MAP3K7: variants seen among roughly 807,000 people sequenced by gnomAD.
The protein encoded by MAP3K7 is TGF-beta activated kinase 1.
MAP3K7 carries 21 observed loss-of-function variants against 84.8 expected under a neutral mutation model. The observed-to-expected ratio is 0.25, with a 90% CI of 0.18 to 0.36. The LOEUF is 0.36. MAP3K7 is among the 10% of genes least tolerant of loss of function. The pLI is 1.00. For missense variants in MAP3K7, 503 were observed against 747.7 expected, an observed-to-expected ratio of 0.67 and a Z score of 3.82; for synonymous variants, 241 against 247.7, an observed-to-expected ratio of 0.97 and a Z score of 0.25.
intron 1 of MAP3K7, among the ~76,000 whole-genome samples, chr6:90,572,960 T>C (rs1776955342): frequency 6.6e-6 from 1 of 152,178 alleles, no homozygotes; most frequent in Admixed American, 6.5e-5. Context: ...CTAAGCACTT[T>C]GTATCAAGGC....
In MAP3K7 at chr6:90,543,788, A is replaced by G. The variant is rs1052870248; in HGVS notation, c.1291+764T>C. Reference sequence around the variant, plus strand: ...AAATAAATGATAATTTTGATAATACATTAATCAATACTGAAGGTCAATATG... The same window carrying G: ...AAATAAATGATAATTTTGATAATACGTTAATCAATACTGAAGGTCAATATG... On this transcript the variant is annotated intron_variant, in intron 12 of 16. Coordinates refer to ENST00000369329, the MANE Select transcript of MAP3K7 (RefSeq NM_145331.3). 4.6e-5 allele frequency among the ~76,000 whole-genome samples: 7 copies of G among 152,124 alleles called. No homozygotes were observed. In the East Asian group the frequency reaches 1.4e-3, roughly 29 times the overall value.
intron 3 of MAP3K7, 127 bp from the exon 4 acceptor site, chr6:90,561,794 TG>T: frequency 8.4e-6 from 6 of 710,766 alleles, no homozygotes; most frequent in Non-Finnish European, 1.5e-5. Context: ...GCCCCTACTA[TG>T]TGAATAGTAC....
intron 6 of MAP3K7, among the ~76,000 whole-genome samples, chr6:90,555,067 A>G (rs1776292897): frequency 6.6e-6 from 1 of 152,194 alleles, no homozygotes. Flanking sequence ...CTAACATACA[A>G]ATCACATACC....
chr6:90,571,659 G>A (rs201082210), intron 2 of MAP3K7, 38 bp downstream of exon 2: 6 of 1,253,172 alleles, frequency 4.8e-6, no homozygotes, highest in East Asian at 2.5e-5. Context: ...AGTATCTTAA[G>A]TGCAGAACTA....
chr6:90,549,491 T>C (rs1390314757), intron 9 of MAP3K7, among the ~76,000 whole-genome samples: 1 of 152,158 alleles, frequency 6.6e-6, no homozygotes, highest in East Asian at 1.9e-4. Flanking sequence ...ATTAGGCTTG[T>C]GGTTTAGCCA....
chr6:90,576,905 G>A (rs1177444969), intron 1 of MAP3K7, among the ~76,000 whole-genome samples: 2 of 152,142 alleles, frequency 1.3e-5, no homozygotes, highest in African/African-American at 4.8e-5. Context: ...GATCCTGAAC[G>A]GCTCTACCTA....
At chr6:90,570,267 G>T (rs1449118726) in intron 2 of MAP3K7, among the ~76,000 whole-genome samples, 1 of 152,140 alleles carries the variant, frequency 6.6e-6, no homozygotes, top group Non-Finnish European at 1.5e-5. Flanking sequence ...ATAACTGATA[G>T]AGCAGACCTA....
chr6:90,544,495 C>G, intron 12 of MAP3K7, 57 bp downstream of exon 12: 1 of 1,460,678 alleles, frequency 6.8e-7, no homozygotes, highest in South Asian at 1.1e-5. Flanking sequence ...TTACAAGTAC[C>G]AGGGATCATT....
chr6:90,580,073 C>T (rs1372468742), intron 1 of MAP3K7, among the ~76,000 whole-genome samples: 2 of 152,096 alleles, frequency 1.3e-5, no homozygotes, highest in African/African-American at 4.8e-5. Context: ...AACAAATTTC[C>T]TTATTGTATT....
At chr6:90,519,509 T>C (rs1416336781) in intron 14 of MAP3K7, among the ~76,000 whole-genome samples, 190 bp from the exon 15 acceptor site, 1 of 152,020 alleles carries the variant, frequency 6.6e-6, no homozygotes, top group Non-Finnish European at 1.5e-5. Flanking sequence ...AATTATCAGA[T>C]ATTAGAATGC....
At position 90,542,245 on chromosome 6, in the gene MAP3K7, A is replaced by G. The variant is rs1176521213; in HGVS notation, c.1291+2307T>C. 3 of 984,092 alleles carry G rather than the reference A, an allele frequency of 3.0e-6. No homozygotes were observed. In the African/African-American group the frequency reaches 5.2e-5, roughly 17 times the overall value. 61.0% of individuals were successfully genotyped at this position (984,092 alleles called of 1,614,324 possible). A position where few individuals can be genotyped will look rare whatever the true frequency, so the allele number is the denominator to read the frequency against. ...GTATTTTTATATTTAATTTAAAAAC[A>G]TTACCTATGAGCACATTCATGATTG... On this transcript the variant is annotated intron_variant, in intron 12 of 16. Transcript: ENST00000369329.
intron 3 of MAP3K7, among the ~76,000 whole-genome samples, chr6:90,564,484 T>C (rs538637770): frequency 7.9e-5 from 12 of 152,272 alleles, no homozygotes; most frequent in Middle Eastern, 3.4e-3. Context: ...GGCCATTACA[T>C]AATGGTAAAG....
chr6:90,558,515 T>A (rs996659434), intron 5 of MAP3K7, among the ~76,000 whole-genome samples: 2 of 152,102 alleles, frequency 1.3e-5, no homozygotes, highest in African/African-American at 4.8e-5. Flanking sequence ...ATTTGCAAGA[T>A]GAATCCAATC....
At chr6:90,559,452 A>G (rs1406117464) in intron 5 of MAP3K7, among the ~76,000 whole-genome samples, 2 of 152,158 alleles carry the variant, frequency 1.3e-5, no homozygotes, top group Non-Finnish European at 1.5e-5. Context: ...AGAAAAAAAA[A>G]GAGAGAAAAG....
chr6:90,540,043 G>A (rs1775806672), intron 12 of MAP3K7, among the ~76,000 whole-genome samples: 1 of 151,788 alleles, frequency 6.6e-6, no homozygotes, highest in African/African-American at 2.4e-5. Context: ...GACACCTAAG[G>A]TTTCTTTTTA....
At position 90,586,820 on chromosome 6, in the gene MAP3K7, G is replaced by T. The variant is rs1259724512; in HGVS notation, c.64C>A (p.Pro22Thr). ...TCTTCAAAGTTGAGGACCTGGGAAG[G>T]GGCTTCGATCATCTCACCGGCCGAA... Reference protein sequence around the residue: ...SSSAGEMIEAPSQVLNFEEID... With the variant: ...SSSAGEMIEATSQVLNFEEID... The change falls in exon 1 of 17, where the codon CCT becomes ACT. Residue 22 changes from proline (P) to threonine (T), a missense_variant. Pro to Thr is a conservative substitution (Grantham distance 38). Transcript: ENST00000369329. The T allele has an allele frequency of 1.2e-6, 2 of 1,610,950 alleles. No individual in the cohort carries two copies. The highest frequency in any genetic ancestry group is 2.3e-5 in the East Asian group (1 of 44,308).
At chr6:90,566,001 C>T (rs1344105941) in intron 3 of MAP3K7, among the ~76,000 whole-genome samples, 1 of 152,104 alleles carries the variant, frequency 6.6e-6, no homozygotes, top group South Asian at 2.1e-4. Context: ...AGGGCTTTGA[C>T]AAAATTCAAC....
intron 12 of MAP3K7, chr6:90,542,464 T>C: frequency 1.0e-6 from 1 of 985,182 alleles, no homozygotes; most frequent in Non-Finnish European, 1.2e-6. Flanking sequence ...GGTTACCTGA[T>C]TCCATAAAGG....
At chr6:90,555,646 CATTATTCCTGGT>C (rs1776313709) in intron 6 of MAP3K7, among the ~76,000 whole-genome samples, 1 of 152,154 alleles carries the variant, frequency 6.6e-6, no homozygotes, top group African/African-American at 2.4e-5. Flanking sequence ...AGTTAATTCT[CATTATTCCTGGT>C]ATTTATGTTC....
Sources: gnomAD v4.1 joint callset for allele counts (sites outside exome capture counted in the v4.1 genomes callset) on GRCh38, gnomAD v4.1.1 for gene constraint, MANE v1.5 for transcripts, NCBI Gene and HGNC (gene_info 2026-07-23, HGNC 2026-07-21) for gene names.